Variants in CNTN4 observed in about 807,000 individuals in gnomAD.
CNTN4 encodes the protein contactin 4, also known as contactin-4.
CNTN4 carries 77 observed loss-of-function variants against 122.5 expected under a neutral mutation model. The observed-to-expected ratio is 0.63, with a 90% CI of 0.52 to 0.76. The LOEUF (loss-of-function observed/expected upper bound fraction) is 0.76. Among genes scored for constraint, CNTN4 ranks in the 30% least tolerant of loss-of-function variants. The pLI is 0.00. For synonymous variants in CNTN4, 512 were observed against 447.0 expected (o/e 1.15, Z -1.83); for missense variants, 1,256 against 1,259.1 (o/e 1.00, Z 0.04).
chr3:2,360,065 C>T (rs775388081), intron 3 of CNTN4, among the ~76,000 whole-genome samples: 1 of 152,166 alleles, frequency 6.6e-6, no homozygotes, highest in African/African-American at 2.4e-5. Context: ...CTCATAAGCA[C>T]TTTCACATAT....
chr3:2,386,440 T>C (rs1049421620), intron 3 of CNTN4, among the ~76,000 whole-genome samples: 27 of 152,318 alleles, frequency 1.8e-4, no homozygotes, highest in African/African-American at 6.3e-4. Flanking sequence ...TTCCCCTAAC[T>C]AGCAAAATCC....
chr3:2,919,918 G>A (rs1205450164), intron 12 of CNTN4, among the ~76,000 whole-genome samples: 2 of 151,780 alleles, frequency 1.3e-5, no homozygotes, highest in African/African-American at 2.4e-5. Context: ...TATTTTTCTG[G>A]GAATAAGAGA....
intron 3 of CNTN4, among the ~76,000 whole-genome samples, chr3:2,390,186 A>C (rs2046391465): frequency 6.6e-6 from 1 of 150,678 alleles, no homozygotes; most frequent in Non-Finnish European, 1.5e-5. Flanking sequence ...CATGTCTGAA[A>C]CTTACTGTCA....
At chr3:2,234,436 A>C (rs1048418828) in intron 2 of CNTN4, among the ~76,000 whole-genome samples, 1 of 150,940 alleles carries the variant, frequency 6.6e-6, no homozygotes, top group Non-Finnish European at 1.5e-5. Flanking sequence ...AAACTTCATC[A>C]GCTTGTGGAG....
At chr3:2,630,701 A>AGTGTGTGT (rs10689131) in intron 4 of CNTN4, among the ~76,000 whole-genome samples, 18 of 137,370 alleles carry the variant, frequency 1.3e-4, no homozygotes, top group East Asian at 4.3e-4. Context: ...TTATTAAGGG[A>AGTGTGTGT]GTGTGTGTGT....
chr3:2,398,063 A>C (rs2046705013), intron 3 of CNTN4, among the ~76,000 whole-genome samples: 1 of 152,040 alleles, frequency 6.6e-6, no homozygotes, highest in Non-Finnish European at 1.5e-5. Flanking sequence ...ACAAATTAAA[A>C]ATTTTCTCGA....
chr3:2,330,128 T>A (rs561681694), intron 2 of CNTN4, among the ~76,000 whole-genome samples: 1 of 152,232 alleles, frequency 6.6e-6, no homozygotes, highest in Non-Finnish European at 1.5e-5. Context: ...TTCAGCCATT[T>A]GCTAGAGTGG....
At chr3:2,902,112 C>T (rs548655539) in intron 11 of CNTN4, among the ~76,000 whole-genome samples, 1 of 152,166 alleles carries the variant, frequency 6.6e-6, no homozygotes, top group East Asian at 1.9e-4. Context: ...AGTGTCCACT[C>T]AGCTAACTCA....
intron 4 of CNTN4, among the ~76,000 whole-genome samples, chr3:2,594,993 A>T (rs1358478500): frequency 6.6e-6 from 1 of 152,222 alleles, no homozygotes; most frequent in Non-Finnish European, 1.5e-5. Context: ...CATTAGTCCC[A>T]ATTCCATCTC....
intron 2 of CNTN4, among the ~76,000 whole-genome samples, chr3:2,256,606 C>G (rs1575186774): frequency 6.6e-6 from 1 of 152,324 alleles, no homozygotes; most frequent in Middle Eastern, 3.4e-3. Flanking sequence ...ATCAAGTCAT[C>G]TTCATCACTG....
At chr3:2,771,316 C>G (rs753755158) in intron 6 of CNTN4, among the ~76,000 whole-genome samples, 2 of 152,198 alleles carry the variant, frequency 1.3e-5, no homozygotes, top group Non-Finnish European at 2.9e-5. Flanking sequence ...GGAAGGTACT[C>G]TCTCTATGTG....
intron 2 of CNTN4, among the ~76,000 whole-genome samples, chr3:2,261,193 A>G (rs78332961): frequency 6.6e-6 from 1 of 152,074 alleles, no homozygotes; most frequent in East Asian, 1.9e-4. Flanking sequence ...TACTATTCTT[A>G]TTTGTGGTAT....
At chr3:2,421,049 C>T (rs147742358) in intron 3 of CNTN4, among the ~76,000 whole-genome samples, 11 of 152,230 alleles carry the variant, frequency 7.2e-5, no homozygotes, top group South Asian at 2.1e-4. Flanking sequence ...AGACACACCC[C>T]ACACCCAACT....
intron 4 of CNTN4, among the ~76,000 whole-genome samples, chr3:2,707,650 G>T (rs1576521164): frequency 6.6e-6 from 1 of 151,664 alleles, no homozygotes; most frequent in Non-Finnish European, 1.5e-5. Flanking sequence ...TGTTTTATTT[G>T]TTTTTTGTTT....
chr3:2,291,472 A>C (rs2042132617), intron 2 of CNTN4, among the ~76,000 whole-genome samples: 1 of 152,184 alleles, frequency 6.6e-6, no homozygotes, highest in African/African-American at 2.4e-5. Flanking sequence ...TATTTGAAGA[A>C]AATAAAGTAT....
At position 2,754,621 on chromosome 3, in the gene CNTN4, G is replaced by T. The variant is rs1559467844; in HGVS notation, c.358+8924G>T. Among the ~76,000 whole-genome samples, 2 of 151,758 alleles carry T rather than the reference G, an allele frequency of 1.3e-5. 1 individual carries two copies. Among genetic ancestry groups the T allele is most frequent in the Admixed American group, 1.3e-4 (2 of 15,212 alleles). ...AGATGAAAAGTATTTTTAAAAAATG[G>T]AAAAATGGAGATGTTAAGTGAAAGG... On this transcript the variant is annotated intron_variant, in intron 6 of 24. Transcript: ENST00000418658.
intron 8 of CNTN4, among the ~76,000 whole-genome samples, chr3:2,878,852 A>G (rs1310823180): frequency 6.6e-6 from 1 of 152,176 alleles, no homozygotes; most frequent in Non-Finnish European, 1.5e-5. Context: ...ATAAATTGTG[A>G]TAAGTAACAT....
chr3:2,827,578 G>C (rs1442240894), intron 7 of CNTN4, among the ~76,000 whole-genome samples: 1 of 152,164 alleles, frequency 6.6e-6, no homozygotes, highest in Non-Finnish European at 1.5e-5. Flanking sequence ...GATTTATATG[G>C]AATTTACATC....
At chr3:2,760,080 C>T (rs1456940431) in intron 6 of CNTN4, among the ~76,000 whole-genome samples, 1 of 152,184 alleles carries the variant, frequency 6.6e-6, no homozygotes, top group African/African-American at 2.4e-5. Context: ...CTCATACAAG[C>T]GCCTTGTCAA....
Sources: allele counts gnomAD v4.1 joint callset (sites outside exome capture counted in the v4.1 genomes callset), GRCh38; gene constraint gnomAD v4.1.1; transcripts MANE v1.5; gene names NCBI Gene and HGNC (gene_info 2026-07-23, HGNC 2026-07-21).